LCK: variants seen among roughly 807,000 people sequenced by gnomAD.
LCK encodes the protein tyrosine-protein kinase Lck.
LCK carries 14 observed loss-of-function variants against 64.6 expected under a neutral mutation model. The observed-to-expected ratio is 0.22, with a 90% CI of 0.14 to 0.34. LCK has a LOEUF of 0.34. Among genes scored for constraint, LCK ranks in the 10% least tolerant of loss-of-function variants. The pLI is 1.00. For synonymous variants in LCK, 277 were observed against 263.6 expected, an observed-to-expected ratio of 1.05 and a Z score of -0.49; for missense variants, 434 against 668.1, an observed-to-expected ratio of 0.65 and a Z score of 3.86.
chr1:32,273,423 A>T (rs759743539), intron 1 of LCK, among the ~76,000 whole-genome samples: 2 of 150,628 alleles, frequency 1.3e-5, no homozygotes, highest in Non-Finnish European at 3.0e-5. Context: ...TGTGTGAGAG[A>T]GTGTGTGTGT....
At position 32,280,130 on chromosome 1, in the gene LCK, C is replaced by A; in HGVS notation, c.1247C>A (p.Thr416Lys). 10 of 1,614,182 alleles carry A rather than the reference C, an allele frequency of 6.2e-6. No individual in the cohort carries two copies. The highest frequency in any genetic ancestry group is 8.5e-6 in the Non-Finnish European group (10 of 1,180,026). ...GCGCCAGAAGCCATTAACTACGGGA[C>A]ATTCACCATCAAGTCAGATGTGTGG... ...WTAPEAINYG[T>K]FTIKSDVWSF... The change falls in exon 12 of 13, where the codon ACA (threonine) becomes AAA (lysine). Residue 416 changes from threonine (T) to lysine (K), a missense_variant. This residue lies in a region of LCK where 201 missense variants were observed against 376.9 expected (regional missense o/e 0.53). Transcript: ENST00000336890.
At position 32,276,563 on chromosome 1, in the gene LCK, C is replaced by T; in HGVS notation, c.785-44C>T. ...CGCTGAGGTGATGAGAGTCCCAGGACAGCTGCCTGGCGACTTTCCCACTCC... is the reference window on the plus strand; with the variant it reads ...CGCTGAGGTGATGAGAGTCCCAGGATAGCTGCCTGGCGACTTTCCCACTCC... On this transcript the variant is annotated intron_variant, in intron 8 of 12. Coordinates refer to ENST00000336890, the MANE Select transcript of LCK (RefSeq NM_005356.5). The surrounding 1 kb of genome is among the most constrained non-coding windows in gnomAD (Gnocchi z 4.6). 3.2e-6 allele frequency: 5 copies of T among 1,584,472 alleles called. No homozygotes were observed. Among genetic ancestry groups the T allele is most frequent in the Non-Finnish European group, 4.3e-6 (5 of 1,162,150 alleles).
Position 32,275,237 on chromosome 1 carries a change from T to C in LCK, c.279-84T>C. The C allele has an allele frequency of 6.6e-7, 1 of 1,513,610 alleles. No individual in the cohort carries two copies. The highest frequency in any genetic ancestry group is 2.3e-5 in the East Asian group (1 of 44,130). 93.8% of individuals were successfully genotyped at this position (1,513,610 alleles called of 1,614,324 possible). On this transcript the variant is annotated intron_variant, in intron 4 of 12. Coordinates refer to ENST00000336890, the MANE Select transcript of LCK (RefSeq NM_005356.5). This position sits in a 1 kb window ranked among gnomAD's most constrained non-coding sequence, Gnocchi z 6.9. ...TTGCTGAGCCAGGGTTGGGGGAGGC[T>C]GGCTTAAGGGGTGGAGGGGTCTTTG...
At chr1:32,280,300 CT>C in intron 12 of LCK, 90 bp downstream of exon 12, 1 of 1,533,164 alleles carries the variant, frequency 6.5e-7, no homozygotes, top group Non-Finnish European at 8.9e-7. Context: ...GAATCTGAAA[CT>C]TTGTAGCTGC....
At chr1:32,255,541 G>A (rs745703013) in intron 1 of LCK, among the ~76,000 whole-genome samples, 14 of 152,160 alleles carry the variant, frequency 9.2e-5, no homozygotes, top group Non-Finnish European at 1.0e-4. Context: ...AATGGTTAAC[G>A]GTGGTGATTT....
Position 32,276,087 on chromosome 1 carries a change from C to T in LCK, c.631+24C>T. 1 of 1,613,196 alleles carries T rather than the reference C, an allele frequency of 6.2e-7. No homozygotes were observed. Among genetic ancestry groups the T allele is most frequent in the Non-Finnish European group, 8.5e-7 (1 of 1,179,708 alleles). On this transcript the variant is annotated intron_variant, in intron 7 of 12. Transcript: ENST00000336890. This position sits in a 1 kb window ranked among gnomAD's most constrained non-coding sequence, Gnocchi z 4.6. ...CAGTGAGCCCGACGGGACCCCTCCC[C>T]CGTGCCCTATCAGCCTATCTCCCCT...
At chr1:32,271,086 G>C (rs530235046) in intron 1 of LCK, among the ~76,000 whole-genome samples, 1 of 145,870 alleles carries the variant, frequency 6.9e-6, no homozygotes, top group South Asian at 2.2e-4. Flanking sequence ...TTGCAGCCTT[G>C]AGCTCCTGGG....
rs373177775 is a variant in LCK, at chr1:32,285,765, T to G, written c.*49T>G. ...TCTCCCCCTTTCTCTCCAGCCTGAC[T>G]TGGGGAGATGGAGTTCTTGTGCCAT... On this transcript the variant is annotated 3_prime_UTR_variant, in exon 13 of 13. Transcript: ENST00000336890. 1.6e-4 allele frequency: 247 copies of G among 1,535,904 alleles called. No individual in the cohort carries two copies. Among genetic ancestry groups the G allele is most frequent in the Non-Finnish European group, 2.1e-4 (233 of 1,133,988 alleles).
chr1:32,255,002 A>T (rs1383060012), intron 1 of LCK, among the ~76,000 whole-genome samples: 1 of 152,154 alleles, frequency 6.6e-6, no homozygotes, highest in African/African-American at 2.4e-5. Flanking sequence ...ATTTAAAAAA[A>T]AAATAAAATT....
At chr1:32,273,088 T>C (rs1341808909) in intron 1 of LCK, among the ~76,000 whole-genome samples, 2 of 123,332 alleles carry the variant, frequency 1.6e-5, no homozygotes, top group African/African-American at 6.3e-5. Context: ...GGAGTATGTA[T>C]AGGGTGTGTG....
At chr1:32,272,632 A>AGAGAGAGAAAGAGAGAGG (rs1640117313) in intron 1 of LCK, among the ~76,000 whole-genome samples, 1 of 146,482 alleles carries the variant, frequency 6.8e-6, no homozygotes, top group Admixed American at 6.7e-5. Flanking sequence ...AAAGAGAGAG[A>AGAGAGAGAAAGAGAGAGG]GAGAGAGAGA....
At chr1:32,259,702 C>T (rs1427988560) in intron 1 of LCK, among the ~76,000 whole-genome samples, 1 of 151,786 alleles carries the variant, frequency 6.6e-6, no homozygotes, top group Non-Finnish European at 1.5e-5. Context: ...CCCAGTTACT[C>T]AGGAGGCTGA....
At chr1:32,284,614 C>T (rs935900429) in intron 12 of LCK, among the ~76,000 whole-genome samples, 14 of 152,084 alleles carry the variant, frequency 9.2e-5, no homozygotes, top group Non-Finnish European at 1.9e-4. Context: ...AAGTGATCTG[C>T]CTGCTTTGGC....
intron 3 of LCK, 69 bp downstream of exon 3, chr1:32,274,887 C>G (rs1640208125): frequency 1.2e-6 from 2 of 1,613,858 alleles, no homozygotes; most frequent in Non-Finnish European, 1.7e-6. Flanking sequence ...CCACCTCTCC[C>G]CCACCTACTT....
Position 32,286,153 on chromosome 1 carries a change from G to C in LCK, c.*437G>C, listed in dbSNP as rs2124385270. ...ATCAGGAGTTCAATAAATGTCTGTT[G>C]ATGACTGTTGTACATCTCTTTGCTG... On this transcript the variant is annotated 3_prime_UTR_variant, in exon 13 of 13. Transcript: ENST00000336890. 2 of 269,814 alleles carry C rather than the reference G, an allele frequency of 7.4e-6. No homozygotes were observed. Among genetic ancestry groups the C allele is most frequent in the East Asian group, 1.0e-4 (2 of 19,310 alleles). 16.7% of individuals were successfully genotyped at this position (269,814 alleles called of 1,614,324 possible). A position where few individuals can be genotyped will look rare whatever the true frequency, so the allele number is the denominator to read the frequency against.
intron 9 of LCK, among the ~76,000 whole-genome samples, chr1:32,278,031 T>A (rs1640335356): frequency 6.6e-6 from 1 of 151,996 alleles, no homozygotes; most frequent in African/African-American, 2.4e-5. Context: ...GTTTAAAAAT[T>A]AGCTGGGCAT....
intron 1 of LCK, among the ~76,000 whole-genome samples, chr1:32,272,047 G>A (rs1390491628): frequency 6.6e-6 from 1 of 152,126 alleles, no homozygotes; most frequent in Non-Finnish European, 1.5e-5. Flanking sequence ...ACTTTGGGAG[G>A]CTGAGGCAGG....
In LCK at chr1:32,262,459, G is replaced by A. The variant is rs188467915; in HGVS notation, c.-6+11088G>A. Among the ~76,000 whole-genome samples, 271 of 147,794 alleles carry A rather than the reference G, an allele frequency of 1.8e-3. 5 individuals are homozygous for A. The East Asian group carries it at 0.036, about 19-fold the overall frequency. On this transcript the variant is annotated intron_variant, in intron 1 of 12. Coordinates refer to ENST00000336890, the MANE Select transcript of LCK (RefSeq NM_005356.5). Reference sequence around the variant, plus strand: ...TTTTTTTTTGATGGAGTCTAGTTCTGTCACCCAGGCTTGAGTGCAATGGCG... The same window carrying A: ...TTTTTTTTTGATGGAGTCTAGTTCTATCACCCAGGCTTGAGTGCAATGGCG...
At chr1:32,252,996 A>G (rs562533544) in intron 1 of LCK, among the ~76,000 whole-genome samples, 7 of 152,278 alleles carry the variant, frequency 4.6e-5, no homozygotes, top group South Asian at 2.1e-4. Flanking sequence ...CGACCCAGTC[A>G]CAATTCCGCT....
Sources: gnomAD v4.1 joint callset for allele counts (sites outside exome capture counted in the v4.1 genomes callset) on GRCh38, gnomAD v4.1.1 for gene constraint, gnomAD v4.1.1 regional missense constraint, Gnocchi (gnomAD v3.1) non-coding constraint, MANE v1.5 for transcripts, NCBI Gene and HGNC (gene_info 2026-07-23, HGNC 2026-07-21) for gene names.